The following HS3ST4 variants were observed in gnomAD, a reference collection of about 807,000 sequenced individuals.
The protein encoded by HS3ST4 is heparan sulfate glucosamine 3-O-sulfotransferase 4.
HS3ST4 carries 17 observed loss-of-function variants against 29.2 expected under a neutral mutation model. The ratio of observed to expected loss-of-function variants is 0.58; its 90% CI spans 0.40 to 0.87. The LOEUF (loss-of-function observed/expected upper bound fraction) is 0.87, where lower values mean the gene tolerates loss of function less well. Ranked by LOEUF, HS3ST4 falls within the 40% of genes least tolerant of loss-of-function variation. HS3ST4 has a pLI of 0.00. For synonymous variants in HS3ST4, 314 were observed against 285.7 expected (o/e 1.10, Z -1.00); for missense variants, 627 against 634.5 (o/e 0.99, Z 0.13).
rs140760891 is a variant in HS3ST4, at chr16:25,975,166, G to A, written c.735-160446G>A. On this transcript the variant is annotated intron_variant, in intron 1 of 1. Coordinates refer to ENST00000331351, the MANE Select transcript of HS3ST4 (RefSeq NM_006040.3). Reference sequence around the variant, plus strand: ...TGATATGGATGCAGCTGGAGGCCACGATCCCATGCAAATTCATGCAGAAAC... The same window carrying A: ...TGATATGGATGCAGCTGGAGGCCACAATCCCATGCAAATTCATGCAGAAAC... Among the ~76,000 whole-genome samples the A allele has an allele frequency of 3.7e-4, 56 of 152,082 alleles. No homozygotes were observed. The East Asian group carries it at 7.4e-3, about 20-fold the overall frequency.
At chr16:25,986,571 T>G (rs1969065648) in intron 1 of HS3ST4, among the ~76,000 whole-genome samples, 1 of 152,236 alleles carries the variant, frequency 6.6e-6, no homozygotes, top group African/African-American at 2.4e-5. Context: ...CTCGTTGACT[T>G]TGCACTGCTG....
chr16:25,978,942 GTTTT>G (rs34078514), intron 1 of HS3ST4, among the ~76,000 whole-genome samples: 1 of 132,282 alleles, frequency 7.6e-6, no homozygotes, highest in East Asian at 2.2e-4. Context: ...TTCTCTTTTT[GTTTT>G]TTTTTTTTTT....
intron 1 of HS3ST4, among the ~76,000 whole-genome samples, chr16:26,097,217 G>A (rs1898935695): frequency 6.7e-6 from 1 of 149,926 alleles, no homozygotes; most frequent in Non-Finnish European, 1.5e-5. Context: ...TTTATTCACA[G>A]AATTGGAAAA....
intron 1 of HS3ST4, among the ~76,000 whole-genome samples, chr16:25,756,840 A>G (rs114337937): frequency 0.01 from 1,530 of 152,338 alleles, 27 homozygotes; most frequent in African/African-American, 0.035. Flanking sequence ...CTTTGAAGCT[A>G]CATATTTTTT....
At chr16:26,027,952 T>C (rs563528119) in intron 1 of HS3ST4, among the ~76,000 whole-genome samples, 1 of 151,434 alleles carries the variant, frequency 6.6e-6, no homozygotes, top group South Asian at 2.1e-4. Flanking sequence ...AAACAAAGAG[T>C]CTTTTTAATT....
At chr16:25,825,708 T>G (rs1967208496) in intron 1 of HS3ST4, 1 of 152,234 alleles carries the variant, frequency 6.6e-6, no homozygotes, top group Admixed American at 6.5e-5. Context: ...TTATTCAGGC[T>G]CTGGATGTCC....
Position 26,050,316 on chromosome 16 carries a change from A to C in HS3ST4, c.735-85296A>C, listed in dbSNP as rs1898326228. Among the ~76,000 whole-genome samples the C allele has an allele frequency of 2.0e-5, 3 of 150,446 alleles. No individual in the cohort carries two copies. In the South Asian group the frequency reaches 6.2e-4, roughly 31 times the overall value. On this transcript the variant is annotated intron_variant, in intron 1 of 1. Coordinates refer to ENST00000331351, the MANE Select transcript of HS3ST4 (RefSeq NM_006040.3). Reference sequence around the variant, plus strand: ...TCTCTGTCTCTCTCTCTCTCTTTCTATATATATATGTATGTATTTTTTTAC... The same window carrying C: ...TCTCTGTCTCTCTCTCTCTCTTTCTCTATATATATGTATGTATTTTTTTAC...
At chr16:25,952,498 C>G (rs1342075669) in intron 1 of HS3ST4, among the ~76,000 whole-genome samples, 5 of 152,152 alleles carry the variant, frequency 3.3e-5, no homozygotes, top group African/African-American at 1.2e-4. Flanking sequence ...TCTTTACGAG[C>G]TCTTAACTTC....
At chr16:25,941,732 A>T (rs1053600252) in intron 1 of HS3ST4, among the ~76,000 whole-genome samples, 7 of 151,992 alleles carry the variant, frequency 4.6e-5, no homozygotes, top group African/African-American at 1.4e-4. Flanking sequence ...ACACGCCACC[A>T]CACCCAGCTA....
chr16:26,136,085 G>T lies in HS3ST4; in HGVS notation c.1208G>T (p.Ser403Ile), dbSNP rs1372978742. The T allele has an allele frequency of 6.2e-7, 1 of 1,613,810 alleles. No homozygotes were observed. The highest frequency in any genetic ancestry group is 1.1e-5 in the South Asian group (1 of 91,064). The change falls in exon 2 of 2, where the codon AGC becomes ATC. Residue 403 changes from serine to isoleucine, a missense_variant. Transcript: ENST00000331351. ...CCTTGCCTAAAGAAGCCAGAAGACA[G>T]CAGTGCCCCGAGGTGCTTAGGCAAG... ...GFPCLKKPED[S>I]SAPRCLGKSK...
intron 1 of HS3ST4, among the ~76,000 whole-genome samples, chr16:25,739,461 A>T (rs186997462): frequency 9.0e-4 from 137 of 152,334 alleles, no homozygotes; most frequent in Non-Finnish European, 1.8e-3. Flanking sequence ...GGCAGTTTCT[A>T]TCTGCCTACT....
intron 1 of HS3ST4, among the ~76,000 whole-genome samples, chr16:26,096,022 A>G (rs1406616318): frequency 5.3e-5 from 8 of 152,212 alleles, no homozygotes; most frequent in Non-Finnish European, 8.8e-5. Flanking sequence ...TCTAGAAGAA[A>G]TGGATAAATT....
intron 1 of HS3ST4, among the ~76,000 whole-genome samples, chr16:25,939,526 G>A (rs8061312): frequency 0.55 from 82,770 of 151,478 alleles, 23,343 homozygotes; most frequent in African/African-American, 0.61. Flanking sequence ...TTTAGTAGAG[G>A]TGGGGTTTTA....
chr16:25,819,348 G>A (rs1020464299), intron 1 of HS3ST4, among the ~76,000 whole-genome samples: 1 of 152,152 alleles, frequency 6.6e-6, no homozygotes, highest in African/African-American at 2.4e-5. Flanking sequence ...TCCTCAAAGG[G>A]TCATGATCCC....
At chr16:26,074,761 T>C (rs1898639938) in intron 1 of HS3ST4, among the ~76,000 whole-genome samples, 1 of 152,212 alleles carries the variant, frequency 6.6e-6, no homozygotes, top group Admixed American at 6.5e-5. Context: ...CTTTCTAATT[T>C]TATCTCCTGC....
At chr16:26,049,972 CT>C (rs1898319941) in intron 1 of HS3ST4, among the ~76,000 whole-genome samples, 1 of 152,178 alleles carries the variant, frequency 6.6e-6, no homozygotes, top group Non-Finnish European at 1.5e-5. Flanking sequence ...GAGCCTCCCC[CT>C]GTCCAGCTGT....
At chr16:26,120,670 C>G (rs530419088) in intron 1 of HS3ST4, among the ~76,000 whole-genome samples, 6 of 152,206 alleles carry the variant, frequency 3.9e-5, no homozygotes, top group Non-Finnish European at 8.8e-5. Flanking sequence ...TGTTGACTGA[C>G]GTGTTTTACA....
At chr16:25,826,790 T>A (rs1478360158) in intron 1 of HS3ST4, among the ~76,000 whole-genome samples, 7 of 152,080 alleles carry the variant, frequency 4.6e-5, no homozygotes, top group Non-Finnish European at 8.8e-5. Flanking sequence ...TCCCGGGTGA[T>A]TTTAATAGCT....
At chr16:25,876,568 C>T (rs7193424) in intron 1 of HS3ST4, among the ~76,000 whole-genome samples, 23,107 of 152,000 alleles carry the variant, frequency 0.15, 3,274 homozygotes, top group African/African-American at 0.38. Context: ...AGCAACTGTC[C>T]CCTCATCTCT....
Sources: allele counts gnomAD v4.1 joint callset (sites outside exome capture counted in the v4.1 genomes callset), GRCh38; gene constraint gnomAD v4.1.1; transcripts MANE v1.5; gene names NCBI Gene and HGNC (gene_info 2026-07-23, HGNC 2026-07-21).